The following SH3BGRL variants were observed in gnomAD, a reference collection of about 807,000 sequenced individuals.
The protein encoded by SH3BGRL is adapter SH3BGRL.
Under a neutral mutation model 9.8 loss-of-function variants are expected in SH3BGRL, and 7 were observed. The observed-to-expected ratio is 0.72, with a 90% CI of 0.41 to 1.35. SH3BGRL has a LOEUF of 1.35. SH3BGRL is among the 40% of genes most tolerant of loss of function. SH3BGRL has a pLI of 0.01. For missense variants in SH3BGRL, 73 were observed against 84.4 expected (o/e 0.86, Z 0.53); for synonymous variants, 36 against 29.1 (o/e 1.24, Z -0.76).
At chrX:81,224,058 T>C (rs1041557658) in intron 1 of SH3BGRL, among the ~76,000 whole-genome samples, 2 of 111,690 alleles carry the variant, frequency 1.8e-5, no homozygotes, top group Non-Finnish European at 3.8e-5. Flanking sequence ...GATAGTGTTA[T>C]AAATGAAGAA....
intron 1 of SH3BGRL, among the ~76,000 whole-genome samples, chrX:81,273,445 T>C (rs1260013577): frequency 8.9e-6 from 1 of 112,291 alleles, no homozygotes; most frequent in Non-Finnish European, 1.9e-5. Context: ...TATTTATCTT[T>C]AGCTAGTTTA....
rs1019654153 is a variant in SH3BGRL at position 81,253,761 on chromosome X, G to A, written c.46-23223G>A. On this transcript the variant is annotated intron_variant, in intron 1 of 3. Transcript: ENST00000373212. ...GCATACGATTTTTTATTGATTTCTTGCTTTTTTGCACATCTTGTGAGCAGT... is the reference window on the plus strand; with the variant it reads ...GCATACGATTTTTTATTGATTTCTTACTTTTTTGCACATCTTGTGAGCAGT... 1.6e-4 allele frequency among the ~76,000 whole-genome samples: 18 copies of A among 111,803 alleles called. No individual in the cohort carries two copies. The Admixed American group carries it at 1.7e-3, about 11-fold the overall frequency.
intron 3 of SH3BGRL, among the ~76,000 whole-genome samples, chrX:81,287,718 G>T (rs1291856158): frequency 2.7e-5 from 3 of 110,074 alleles, no homozygotes; most frequent in Non-Finnish European, 5.7e-5. Context: ...GGGTTGACGG[G>T]TGCAGCAGAC....
intron 1 of SH3BGRL, among the ~76,000 whole-genome samples, chrX:81,236,653 G>A (rs2075648954): frequency 8.9e-6 from 1 of 111,927 alleles, no homozygotes; most frequent in Admixed American, 9.5e-5. Context: ...CTAAGGATAT[G>A]TAGTTGAAGA....
At chrX:81,251,935 A>G (rs2075712171) in intron 1 of SH3BGRL, among the ~76,000 whole-genome samples, 1 of 112,007 alleles carries the variant, frequency 8.9e-6, no homozygotes, top group Admixed American at 9.5e-5. Flanking sequence ...ACTTGTTTTT[A>G]TACCAAGAAA....
chrX:81,231,511 T>C (rs2075632875), intron 1 of SH3BGRL, among the ~76,000 whole-genome samples: 1 of 112,616 alleles, frequency 8.9e-6, no homozygotes. Context: ...ATCAATTCCG[T>C]CTGAACCTAG....
At chrX:81,209,230 A>G (rs1363047726) in intron 1 of SH3BGRL, among the ~76,000 whole-genome samples, 3 of 108,827 alleles carry the variant, frequency 2.8e-5, no homozygotes, top group Non-Finnish European at 5.7e-5. Flanking sequence ...CTGGTCACAA[A>G]CTCTTCAGCT....
intron 1 of SH3BGRL, among the ~76,000 whole-genome samples, chrX:81,229,589 A>G: frequency 9.0e-6 from 1 of 111,541 alleles, no homozygotes; most frequent in East Asian, 2.8e-4. Flanking sequence ...CAGGCTGCTC[A>G]GTGGCCGGGC....
intron 1 of SH3BGRL, among the ~76,000 whole-genome samples, chrX:81,233,785 A>T (rs1035573803): frequency 2.7e-5 from 3 of 110,869 alleles, no homozygotes; most frequent in Admixed American, 9.6e-5. Context: ...ATAGTCAATA[A>T]TTTTAGAGCC....
intron 3 of SH3BGRL, among the ~76,000 whole-genome samples, chrX:81,294,457 G>A (rs1268866187): frequency 9.0e-6 from 1 of 110,560 alleles, no homozygotes; most frequent in Non-Finnish European, 1.9e-5. Flanking sequence ...ACTTCCATGT[G>A]GTGTTGAGCC....
chrX:81,290,861 A>T (rs914337364), intron 3 of SH3BGRL, among the ~76,000 whole-genome samples: 2 of 111,076 alleles, frequency 1.8e-5, no homozygotes, highest in African/African-American at 6.6e-5. Context: ...TACTATGTAC[A>T]TACAAAAATT....
At chrX:81,268,837 A>G (rs1308754235) in intron 1 of SH3BGRL, among the ~76,000 whole-genome samples, 1 of 110,972 alleles carries the variant, frequency 9.0e-6, no homozygotes, top group Non-Finnish European at 1.9e-5. Flanking sequence ...TTCCATTATT[A>G]TTGTGTGGGA....
intron 1 of SH3BGRL, among the ~76,000 whole-genome samples, chrX:81,226,129 A>G (rs1017046756): frequency 4.5e-5 from 5 of 111,345 alleles, no homozygotes; most frequent in African/African-American, 1.6e-4. Context: ...ATTGTTAGAC[A>G]ACTCTAGTTA....
At position 81,297,437 on chromosome X, in the gene SH3BGRL, A is replaced by G; in HGVS notation, c.*210A>G. On this transcript the variant is annotated 3_prime_UTR_variant, in exon 4 of 4. Transcript: ENST00000373212. ...GAGGAGAATGGGATATTAACATAAA[A>G]TTATATTAATAAGTAGATATCGTAG... 1 of 352,050 alleles carries G rather than the reference A, an allele frequency of 2.8e-6. No individual in the cohort carries two copies. Among genetic ancestry groups the G allele is most frequent in the Non-Finnish European group, 5.0e-6 (1 of 200,548 alleles). The allele number at this position is 352,050 out of a possible 1,213,427, so 29.0% of individuals were successfully genotyped here.
chrX:81,229,095 A>G (rs1299004136), intron 1 of SH3BGRL, among the ~76,000 whole-genome samples: 1 of 111,567 alleles, frequency 9.0e-6, no homozygotes, highest in African/African-American at 3.3e-5. Flanking sequence ...CTGTGGAGCA[A>G]GTGTCCATGA....
At chrX:81,219,601 A>G (rs1014139183) in intron 1 of SH3BGRL, among the ~76,000 whole-genome samples, 3 of 111,639 alleles carry the variant, frequency 2.7e-5, no homozygotes, top group Non-Finnish European at 5.7e-5. Flanking sequence ...TCAAATTGGG[A>G]TGCCCTTTAT....
chrX:81,224,232 T>C (rs769521549), intron 1 of SH3BGRL, among the ~76,000 whole-genome samples: 27 of 111,751 alleles, frequency 2.4e-4, no homozygotes, highest in African/African-American at 8.8e-4. Flanking sequence ...TAATGTAGTT[T>C]ACTGCTAACT....
At chrX:81,260,870 G>A (rs184425564) in intron 1 of SH3BGRL, among the ~76,000 whole-genome samples, 12 of 110,838 alleles carry the variant, frequency 1.1e-4, no homozygotes, top group African/African-American at 3.6e-4. Context: ...GTCGAACACT[G>A]ATCCTTCCCT....
At position 81,215,230 on chromosome X, in the gene SH3BGRL, T is replaced by C. The variant is rs1443406829; in HGVS notation, c.45+12985T>C. ...TACTTCTACATTCAATACTTTTACA[T>C]TGAACTAACTTGATCGTATGTGCAC... On this transcript the variant is annotated intron_variant, in intron 1 of 3. Transcript: ENST00000373212. Among the ~76,000 whole-genome samples the C allele has an allele frequency of 5.4e-5, 6 of 110,582 alleles. No homozygotes were observed. The South Asian group carries it at 2.0e-3, about 37-fold the overall frequency.
Sources: gnomAD v4.1 joint callset for allele counts (sites outside exome capture counted in the v4.1 genomes callset) on GRCh38, gnomAD v4.1.1 for gene constraint, MANE v1.5 for transcripts, NCBI Gene and HGNC (gene_info 2026-07-23, HGNC 2026-07-21) for gene names.